Variants in KNOP1 observed in about 807,000 individuals in gnomAD.
KNOP1 encodes lysine rich nucleolar protein 1.
In KNOP1, 20 loss-of-function variants were observed where a neutral mutation model predicts 30.6. The observed-to-expected ratio is 0.65, with a 90% CI of 0.46 to 0.95. KNOP1 has a LOEUF of 0.95. KNOP1 is among the 40% of genes least tolerant of loss of function. KNOP1 has a pLI of 0.00. For synonymous variants in KNOP1, 204 were observed against 210.0 expected, an observed-to-expected ratio of 0.97 and a Z score of 0.25; for missense variants, 540 against 562.0, an observed-to-expected ratio of 0.96 and a Z score of 0.40.
Position 19,718,157 on chromosome 16 carries a change from C to T in KNOP1, c.-3+1G>A, listed in dbSNP as rs1977301543. On this transcript the variant is annotated splice_donor_variant, in intron 1 of 4. Transcript: ENST00000219837. LOFTEE classifies it low-confidence loss of function (5UTR_SPLICE). ...CGCCTGCAACGCGCCCTGGCACTCA[C>T]CGGTGGGCGAAATTTCCCCGCCTCC... The T allele has an allele frequency of 3.4e-6, 5 of 1,476,368 alleles. No individual in the cohort carries two copies. The highest frequency in any genetic ancestry group is 4.5e-6 in the Non-Finnish European group (5 of 1,118,436). The allele number at this position is 1,476,368 out of a possible 1,614,324, so 91.5% of individuals were successfully genotyped here. A position where few individuals can be genotyped will look rare whatever the true frequency, so the allele number is the denominator to read the frequency against.
At position 19,703,324 on chromosome 16, in the gene KNOP1, T is replaced by A. The variant is rs1314796701; in HGVS notation, c.*3586A>T. The A allele has an allele frequency of 2.6e-5, 4 of 152,128 alleles. No homozygotes were observed. Among genetic ancestry groups the A allele is most frequent in the Non-Finnish European group, 5.9e-5 (4 of 68,028 alleles). The allele number at this position is 152,128 out of a possible 1,614,324, so 9.4% of individuals were successfully genotyped here. A position where few individuals can be genotyped will look rare whatever the true frequency, so the allele number is the denominator to read the frequency against. ...AACCAGCAGTGTCTAGTCAAGTCTT[T>A]CTTAAGTCTCTTTGATGTGGACTCT... is the stretch of plus-strand genomic sequence containing the variant. On this transcript the variant is annotated 3_prime_UTR_variant, in exon 5 of 5. Transcript: ENST00000219837.
Position 19,707,204 on chromosome 16 carries a change from C to T in KNOP1, c.1083G>A (p.Gln361=). ...TRKWTGTQFG[Q]WDTAGFENED... ...CGTTCTCAAAACCAGCAGTATCCCACTGGCCAAACTGGGTTCCCTGTGAGG... is the reference window on the plus strand; with the variant it reads ...CGTTCTCAAAACCAGCAGTATCCCATTGGCCAAACTGGGTTCCCTGTGAGG... Residue 361 remains glutamine (Q), a synonymous_variant, in exon 5 of 5, where the codon CAG becomes CAA. Coordinates refer to ENST00000219837, the MANE Select transcript of KNOP1 (RefSeq NM_001012991.3). 6.2e-7 allele frequency: 1 copy of T among 1,612,844 alleles called. No homozygotes were observed. The highest frequency in any genetic ancestry group is 8.5e-7 in the Non-Finnish European group (1 of 1,179,932).
At chr16:19,708,712 A>T (rs1399163384) in intron 4 of KNOP1, among the ~76,000 whole-genome samples, 2 of 152,182 alleles carry the variant, frequency 1.3e-5, no homozygotes. Flanking sequence ...ACCAGTTGTC[A>T]CTACAGCTGC....
rs1409880063 is a variant in KNOP1 at position 19,707,256 on chromosome 16, G to A, written c.1066-35C>T. 2.5e-6 allele frequency: 4 copies of A among 1,577,648 alleles called. No homozygotes were observed. The Admixed American group carries it at 7.1e-5, about 28-fold the overall frequency. On this transcript the variant is annotated intron_variant, in intron 4 of 4. Coordinates refer to ENST00000219837, the MANE Select transcript of KNOP1 (RefSeq NM_001012991.3). Reference sequence around the variant, plus strand: ...GAGGAAAAAGGTGGCTATTTTCCTTGAGTTCAAAGCCCTTTCCTTCCCTTG... The same window carrying A: ...GAGGAAAAAGGTGGCTATTTTCCTTAAGTTCAAAGCCCTTTCCTTCCCTTG...
intron 1 of KNOP1, chr16:19,717,619 G>C: frequency 2.0e-6 from 2 of 985,636 alleles, no homozygotes; most frequent in Non-Finnish European, 2.4e-6. Flanking sequence ...ACTCTTTCAA[G>C]GAGAAAGGAA....
intron 1 of KNOP1, 156 bp from the exon 2 acceptor site, chr16:19,715,193 C>T: frequency 1.9e-6 from 1 of 536,448 alleles, no homozygotes; most frequent in Admixed American, 3.7e-5. Context: ...AAAAGAAATA[C>T]TACAGAAACA....
chr16:19,708,826 T>C (rs904547734), intron 4 of KNOP1, among the ~76,000 whole-genome samples: 15 of 152,180 alleles, frequency 9.9e-5, no homozygotes, highest in Non-Finnish European at 1.9e-4. Flanking sequence ...AGGCCATCTA[T>C]GACCACCCCA....
At chr16:19,715,622 T>C (rs1359681216) in intron 1 of KNOP1, among the ~76,000 whole-genome samples, 1 of 151,862 alleles carries the variant, frequency 6.6e-6, no homozygotes, top group Admixed American at 6.6e-5. Context: ...GGTTTCTCCA[T>C]GTTGGCCAGG....
In KNOP1 at chr16:19,714,716, A is replaced by C. The variant is rs768653754; in HGVS notation, c.320T>G (p.Leu107Trp). Residue 107 changes from leucine (L) to tryptophan (W), a missense_variant, in exon 2 of 5, where the codon TTG (leucine) becomes TGG (tryptophan). Leu to Trp is a moderately conservative substitution (Grantham distance 61). Coordinates refer to ENST00000219837, the MANE Select transcript of KNOP1 (RefSeq NM_001012991.3). ...TTTCTTTTCCCCACTGAGGAACTCC[A>C]AGTGGCCAAACACCTGCTTCCTGAG... ...PSLRKQVFGH[L>W]EFLSGEKKNK... is the part of the protein sequence containing the mutation. The C allele has an allele frequency of 6.2e-7, 1 of 1,614,196 alleles. No homozygotes were observed. Among genetic ancestry groups the C allele is most frequent in the Non-Finnish European group, 8.5e-7 (1 of 1,180,048 alleles).
chr16:19,711,718 G>A, intron 2 of KNOP1: 1 of 456,156 alleles, frequency 2.2e-6, no homozygotes, highest in Non-Finnish European at 4.0e-6. Flanking sequence ...CCACGGCTCA[G>A]GGACTGGTGA....
chr16:19,710,274 A>T lies in KNOP1; in HGVS notation c.1065+235T>A, dbSNP rs947851596. On this transcript the variant is annotated intron_variant, in intron 4 of 4. Coordinates refer to ENST00000219837, the MANE Select transcript of KNOP1 (RefSeq NM_001012991.3). ...CAGTCCAGGGCTGAGACAAAGGTTC[A>T]GGCAGCTTATCTCACCGGGCCAGCT... The T allele has an allele frequency of 6.8e-6, 4 of 586,946 alleles. No individual in the cohort carries two copies. The African/African-American group carries it at 7.5e-5, about 11-fold the overall frequency. 36.4% of individuals were successfully genotyped at this position (586,946 alleles called of 1,614,324 possible). A position where few individuals can be genotyped will look rare whatever the true frequency, so the allele number is the denominator to read the frequency against.
In KNOP1 at chr16:19,711,442, T is replaced by C; in HGVS notation, c.919-2A>G. 2 of 1,614,118 alleles carry C rather than the reference T, an allele frequency of 1.2e-6. No homozygotes were observed. Among genetic ancestry groups the C allele is most frequent in the Non-Finnish European group, 1.7e-6 (2 of 1,179,966 alleles). On this transcript the variant is annotated splice_acceptor_variant, in intron 2 of 4. Coordinates refer to ENST00000219837, the MANE Select transcript of KNOP1 (RefSeq NM_001012991.3). LOFTEE classifies it high-confidence loss of function. ...CACCTCTAAGTCCGTGTCTGTTTCC[T>C]GCAGGAGAGGGCAGAGCTGGCTAAG...
chr16:19,711,008 G>C (rs1340909303), intron 3 of KNOP1, among the ~76,000 whole-genome samples: 1 of 152,086 alleles, frequency 6.6e-6, no homozygotes, highest in Non-Finnish European at 1.5e-5. Context: ...AGAAGCGGAA[G>C]CTGATTCACA....
rs1225982545 is a variant in KNOP1, at chr16:19,714,347, T to C, written c.689A>G (p.Lys230Arg). The change falls in exon 2 of 5, where the codon AAG becomes AGG. Residue 230 changes from lysine (K) to arginine (R), a missense_variant. By Grantham distance (26) the Lys-to-Arg change is conservative. Coordinates refer to ENST00000219837, the MANE Select transcript of KNOP1 (RefSeq NM_001012991.3). ...QEGDALPGHS[K>R]PSRSMESSPR... is the part of the protein sequence containing the mutation. ...GCTGCTCTCCATGGACCTGGAGGGC[T>C]TGGAGTGGCCTGGGAGGGCATCTCC... 3 of 1,614,052 alleles carry C rather than the reference T, an allele frequency of 1.9e-6. No homozygotes were observed. The highest frequency in any genetic ancestry group is 2.5e-6 in the Non-Finnish European group (3 of 1,179,964).
In KNOP1 at chr16:19,714,652, C is replaced by T. The variant is rs753095555; in HGVS notation, c.384G>A (p.Gly128=). ...GTCTAGGGTCTGGGGAGGTTTTCAC[C>T]CCAGAGGCATGGGACATGGCTAGAG... ...KSPLAMSHAS[G]VKTSPDPRQG... is the part of the protein sequence containing the mutation. Residue 128 remains glycine, a synonymous_variant, in exon 2 of 5, where the codon GGG becomes GGA. Transcript: ENST00000219837. 2.7e-5 allele frequency: 43 copies of T among 1,613,962 alleles called. No individual in the cohort carries two copies. Among genetic ancestry groups the T allele is most frequent in the Non-Finnish European group, 3.3e-5 (39 of 1,180,026 alleles).
At chr16:19,710,393 C>T (rs1976643149) in intron 4 of KNOP1, 116 bp downstream of exon 4, 2 of 987,746 alleles carry the variant, frequency 2.0e-6, no homozygotes, top group Non-Finnish European at 3.2e-6. Context: ...GCTAGGGCTG[C>T]CTCTGGGGCC....
rs1299089374 is a variant in KNOP1 at position 19,718,205 on chromosome 16, G to A, written c.-50C>T. 6 of 1,519,464 alleles carry A rather than the reference G, an allele frequency of 3.9e-6. No individual in the cohort carries two copies. Among genetic ancestry groups the A allele is most frequent in the African/African-American group, 2.8e-5 (2 of 72,572 alleles). The allele number at this position is 1,519,464 out of a possible 1,614,324, so 94.1% of individuals were successfully genotyped here. ...TCCACGTGAGAGCCAGCTCCGCCGT[G>A]ACCCGGAAGTCCACTTCGAGTCGCC... On this transcript the variant is annotated 5_prime_UTR_variant, in exon 1 of 5. Transcript: ENST00000219837.
At chr16:19,710,706 C>A in intron 3 of KNOP1, 120 bp from the exon 4 acceptor site, 1 of 754,304 alleles carries the variant, frequency 1.3e-6, no homozygotes, top group South Asian at 1.5e-5. Flanking sequence ...CAGCTTGACT[C>A]TGCTACAAAC....
intron 1 of KNOP1, chr16:19,717,249 T>C: frequency 1.1e-6 from 1 of 933,042 alleles, no homozygotes; most frequent in African/African-American, 1.8e-5. Flanking sequence ...ACTGGGGGTT[T>C]AGGAACGTAC....
Sources: allele counts gnomAD v4.1 joint callset (sites outside exome capture counted in the v4.1 genomes callset), GRCh38; gene constraint gnomAD v4.1.1; transcripts MANE v1.5; gene names NCBI Gene and HGNC (gene_info 2026-07-23, HGNC 2026-07-21).